The following IFT70A variants were observed in gnomAD, a reference collection of about 807,000 sequenced individuals.
The protein encoded by IFT70A is intraflagellar transport protein 70A.
At chr2:177,618,505 T>C in the IFT70A span, 5 of 1,586,848 alleles carry the variant, frequency 3.2e-6, no homozygotes, top group South Asian at 1.1e-5. Context: ...CTCATAGCAC[T>C]CGGCCGCCAG....
the IFT70A span, chr2:177,615,343 C>T: frequency 6.6e-6 from 1 of 152,152 alleles, no homozygotes; most frequent in Non-Finnish European, 1.5e-5. Context: ...AGCAAATCTC[C>T]TCTTCCCGAA....
the IFT70A span, chr2:177,616,881 ACT>A: frequency 6.3e-7 from 1 of 1,593,868 alleles, no homozygotes; most frequent in Non-Finnish European, 8.5e-7. Context: ...CTTGAATAAC[ACT>A]GTCATGAATG....
chr2:177,617,461 T>C, the IFT70A span: 5 of 1,613,884 alleles, frequency 3.1e-6, no homozygotes, highest in South Asian at 5.5e-5. Context: ...ATCATATTCA[T>C]TCACTGCCTT....
the IFT70A span, chr2:177,617,249 T>C: frequency 6.3e-7 from 1 of 1,585,292 alleles, no homozygotes; most frequent in East Asian, 2.2e-5. Context: ...TTCTTGACTA[T>C]GGGTTCATAG....
At chr2:177,617,075 G>A in the IFT70A span, 1 of 1,613,614 alleles carries the variant, frequency 6.2e-7, no homozygotes, top group Non-Finnish European at 8.5e-7. Context: ...ACAATGCAGA[G>A]ATGGTACATT....
the IFT70A span, chr2:177,618,699 C>CA: frequency 6.4e-7 from 1 of 1,569,686 alleles, no homozygotes; most frequent in Admixed American, 1.8e-5. Flanking sequence ...TCAGACCAGC[C>CA]ATAACCACCA....
At chr2:177,614,037 T>C in the IFT70A span, 2 of 152,200 alleles carry the variant, frequency 1.3e-5, no homozygotes, top group South Asian at 2.1e-4. Context: ...TTCTAGTAAA[T>C]ACACATTATG....
the IFT70A span, chr2:177,616,266 T>C: frequency 6.5e-6 from 1 of 153,580 alleles, no homozygotes; most frequent in Admixed American, 6.5e-5. Context: ...GATAGCAAAA[T>C]AGACATGGCT....
chr2:177,614,637 G>T, the IFT70A span: 1 of 152,140 alleles, frequency 6.6e-6, no homozygotes, highest in African/African-American at 2.4e-5. Flanking sequence ...ACTGCTAAAA[G>T]GTTGTTATGC....
At chr2:177,618,217 C>T in the IFT70A span, 7 of 1,614,242 alleles carry the variant, frequency 4.3e-6, no homozygotes, top group Non-Finnish European at 5.9e-6. Flanking sequence ...GTAGAGCAAA[C>T]AACCCAGGTT....
At chr2:177,617,628 G>A in the IFT70A span, 10 of 1,614,126 alleles carry the variant, frequency 6.2e-6, no homozygotes, top group Non-Finnish European at 8.5e-6. Flanking sequence ...AGAAGTCATA[G>A]AGATAGGGTG....
At chr2:177,617,351 C>A in the IFT70A span, 1 of 1,596,544 alleles carries the variant, frequency 6.3e-7, no homozygotes, top group Middle Eastern at 1.7e-4. Context: ...CAGAATTCCA[C>A]AGATTTGCGG....
At chr2:177,617,502 T>G in the IFT70A span, 1 of 1,614,250 alleles carries the variant, frequency 6.2e-7, no homozygotes, top group East Asian at 2.2e-5. Context: ...TGTTGTGTCT[T>G]GCTTCCTGTA....
chr2:177,616,132 TG>T, the IFT70A span: 1 of 152,210 alleles, frequency 6.6e-6, no homozygotes, highest in Admixed American at 6.5e-5. Context: ...CCATTATACT[TG>T]TACTTCTAAA....
the IFT70A span, chr2:177,614,354 A>G: frequency 6.6e-6 from 1 of 152,310 alleles, no homozygotes; most frequent in East Asian, 1.9e-4. Flanking sequence ...AATGATACAA[A>G]TACTGCATGT....
chr2:177,616,034 T>A, the IFT70A span: 6 of 152,122 alleles, frequency 3.9e-5, no homozygotes, highest in Admixed American at 3.9e-4. Flanking sequence ...TTATAAAACT[T>A]AAGAAGCAAC....
chr2:177,617,093 T>A, the IFT70A span: 1 of 1,612,908 alleles, frequency 6.2e-7, no homozygotes, highest in South Asian at 1.1e-5. Flanking sequence ...ATTTTCCGAT[T>A]TGGGTCATCA....
chr2:177,618,336 G>C, the IFT70A span: 1 of 1,613,874 alleles, frequency 6.2e-7, no homozygotes. Flanking sequence ...CGCTATACTT[G>C]ATGGCAGCTT....
the IFT70A span, chr2:177,614,186 C>T: frequency 6.6e-6 from 1 of 151,942 alleles, no homozygotes; most frequent in African/African-American, 2.4e-5. Flanking sequence ...AGACTCACTC[C>T]CCAAGAGAAT....
Sources: gnomAD v4.1 joint callset for allele counts on GRCh38, gnomAD v4.1.1 for gene constraint, MANE v1.5 for transcripts, NCBI Gene and HGNC (gene_info 2026-07-23, HGNC 2026-07-21) for gene names.